The following RANBP2 variants were observed in gnomAD, a reference collection of about 807,000 sequenced individuals.
RANBP2 encodes the protein RAN binding protein 2.
In RANBP2, 57 loss-of-function variants were observed where a neutral mutation model predicts 303.6. The ratio of observed to expected loss-of-function variants is 0.19; its 90% confidence interval spans 0.15 to 0.23. The LOEUF (loss-of-function observed/expected upper bound fraction) is 0.23, where lower values mean the gene tolerates loss of function less well. Among genes scored for constraint, RANBP2 ranks in the 10% least tolerant of loss-of-function variants. The probability of loss-of-function intolerance (pLI) is 1.00; values close to 1 mark genes in which losing one functional copy is unlikely to be tolerated. For missense variants in RANBP2, 3,138 were observed against 3,780.8 expected (o/e 0.83, Z 4.46); for synonymous variants, 1,167 against 1,301.5 (o/e 0.90, Z 2.23).
chr2:109,575,439 T>A, the RANBP2 span, among the ~76,000 whole-genome samples: 2 of 152,202 alleles, frequency 1.3e-5, no homozygotes, highest in Admixed American at 6.5e-5. Flanking sequence ...TATTTAATTA[T>A]AAACAAAGGA....
the RANBP2 span, among the ~76,000 whole-genome samples, chr2:109,434,234 G>A: frequency 6.6e-6 from 1 of 152,194 alleles, no homozygotes; most frequent in African/African-American, 2.4e-5. Flanking sequence ...CTCTGGGCTC[G>A]CCCGCCCTGC....
At chr2:109,377,234 A>C in the RANBP2 span, among the ~76,000 whole-genome samples, 1 of 152,174 alleles carries the variant, frequency 6.6e-6, no homozygotes, top group Non-Finnish European at 1.5e-5. Flanking sequence ...AGAAGTGTGA[A>C]GCCTGAGGGT....
chr2:108,819,129 A>C, the RANBP2 span, among the ~76,000 whole-genome samples: 1 of 152,216 alleles, frequency 6.6e-6, no homozygotes, highest in Non-Finnish European at 1.5e-5. Context: ...CCATGGAAAC[A>C]CCAAGTTAAT....
the RANBP2 span, among the ~76,000 whole-genome samples, chr2:109,409,709 C>G: frequency 1.3e-5 from 2 of 152,048 alleles, no homozygotes; most frequent in Non-Finnish European, 2.9e-5. Flanking sequence ...AGAGGGAGAT[C>G]GAGAGGCACG....
At chr2:109,001,306 A>G in the RANBP2 span, among the ~76,000 whole-genome samples, 41 of 152,344 alleles carry the variant, frequency 2.7e-4, no homozygotes, top group Non-Finnish European at 7.3e-5. Context: ...CCAATCAGCT[A>G]TGTGGCCAAT....
the RANBP2 span, among the ~76,000 whole-genome samples, chr2:108,988,361 CAG>C: frequency 6.6e-6 from 1 of 152,176 alleles, no homozygotes; most frequent in Non-Finnish European, 1.5e-5. Context: ...CACGGTCTGT[CAG>C]AGTGTTGAGA....
At chr2:109,160,700 C>T in the RANBP2 span, among the ~76,000 whole-genome samples, 1 of 152,188 alleles carries the variant, frequency 6.6e-6, no homozygotes, top group East Asian at 1.9e-4. Context: ...ACTGCAGGGG[C>T]TGTGCTCTCA....
chr2:109,620,699 CA>C, the RANBP2 span, among the ~76,000 whole-genome samples: 185 of 147,990 alleles, frequency 1.3e-3, no homozygotes, highest in African/African-American at 3.7e-3. Flanking sequence ...GACTCTGTCT[CA>C]AAAAAAAAAT....
the RANBP2 span, among the ~76,000 whole-genome samples, chr2:109,493,707 TACACACCATAA>T: frequency 2.0e-5 from 3 of 150,778 alleles, no homozygotes; most frequent in Admixed American, 2.0e-4. Context: ...ACACCATACA[TACACACCATAA>T]ACACACACCA....
the RANBP2 span, among the ~76,000 whole-genome samples, chr2:109,298,686 G>A: frequency 6.6e-6 from 1 of 152,034 alleles, no homozygotes; most frequent in Admixed American, 6.5e-5. Flanking sequence ...CCTGGCTCCT[G>A]TGGGTCCAGG....
At chr2:109,595,685 C>T in the RANBP2 span, among the ~76,000 whole-genome samples, 2 of 152,124 alleles carry the variant, frequency 1.3e-5, no homozygotes, top group African/African-American at 2.4e-5. Context: ...GGCAGAATTT[C>T]GTACTTGGAG....
chr2:109,547,812 C>T, the RANBP2 span, among the ~76,000 whole-genome samples: 16 of 152,234 alleles, frequency 1.1e-4, no homozygotes, highest in African/African-American at 2.9e-4. Context: ...AGTAAGCACT[C>T]GATAAATATT....
chr2:108,977,243 G>A, the RANBP2 span, among the ~76,000 whole-genome samples: 2 of 152,096 alleles, frequency 1.3e-5, no homozygotes, highest in African/African-American at 4.8e-5. Context: ...AGATCTGGTG[G>A]CCTCTCAGCT....
At chr2:109,592,759 G>A in the RANBP2 span, among the ~76,000 whole-genome samples, 3 of 149,882 alleles carry the variant, frequency 2.0e-5, no homozygotes, top group Admixed American at 6.7e-5. Context: ...CAGCCTGGGC[G>A]ACAGAGCAAG....
the RANBP2 span, chr2:109,129,741 G>A: frequency 4.5e-6 from 7 of 1,539,244 alleles, no homozygotes; most frequent in African/African-American, 1.4e-5. Context: ...TGGACACCAC[G>A]GCCAAGGTGC....
chr2:109,353,064 C>T, the RANBP2 span, among the ~76,000 whole-genome samples: 1 of 152,264 alleles, frequency 6.6e-6, no homozygotes, highest in South Asian at 2.1e-4. Context: ...ATCCACCTCT[C>T]AAATCTGTGC....
the RANBP2 span, chr2:109,449,609 G>A: frequency 6.3e-3 from 7,947 of 1,268,932 alleles, 40 homozygotes; most frequent in Non-Finnish European, 7.2e-3. Context: ...CCAAGTGCCT[G>A]CCCCTAGATG....
At chr2:109,021,051 T>C in the RANBP2 span, among the ~76,000 whole-genome samples, 4 of 152,142 alleles carry the variant, frequency 2.6e-5, no homozygotes, top group African/African-American at 9.7e-5. Flanking sequence ...TCTTTCAAAC[T>C]CATTTTCCAG....
the RANBP2 span, among the ~76,000 whole-genome samples, chr2:109,091,654 G>A: frequency 6.6e-6 from 1 of 152,182 alleles, no homozygotes; most frequent in Non-Finnish European, 1.5e-5. Context: ...CCATGGTTTG[G>A]TAGCCCCCTC....
Sources: gnomAD v4.1 joint callset for allele counts (sites outside exome capture counted in the v4.1 genomes callset) on GRCh38, gnomAD v4.1.1 for gene constraint, MANE v1.5 for transcripts, NCBI Gene and HGNC (gene_info 2026-07-23, HGNC 2026-07-21) for gene names.